Variants in ADGRA3 observed in about 807,000 individuals in gnomAD.
The protein encoded by ADGRA3 is G-protein coupled receptor 125.
A neutral mutation model predicts 119.8 loss-of-function variants in ADGRA3; 56 were observed. That is an observed-to-expected ratio of 0.47 (90% confidence interval 0.38 to 0.58). The LOEUF is 0.58. ADGRA3 is among the 20% of genes least tolerant of loss of function. ADGRA3 has a pLI of 0.00. For synonymous variants in ADGRA3, 607 were observed against 623.8 expected (o/e 0.97, Z 0.40); for missense variants, 1,516 against 1,649.0 (o/e 0.92, Z 1.40).
intron 12 of ADGRA3, among the ~76,000 whole-genome samples, chr4:22,415,071 A>T (rs1196584016): frequency 1.3e-5 from 2 of 151,924 alleles, no homozygotes; most frequent in Non-Finnish European, 2.9e-5. Context: ...GTCATAATAC[A>T]CACTTGCAGT....
intron 1 of ADGRA3, among the ~76,000 whole-genome samples, chr4:22,506,624 A>T (rs545691020): frequency 6.6e-6 from 1 of 152,166 alleles, no homozygotes; most frequent in Non-Finnish European, 1.5e-5. Flanking sequence ...TGTGGTACTA[A>T]AAGTGGCCAA....
chr4:22,392,736 A>G (rs769386111), intron 16 of ADGRA3, 46 bp from the exon 17 acceptor site: 1 of 1,552,836 alleles, frequency 6.4e-7, no homozygotes, highest in Non-Finnish European at 8.7e-7. Flanking sequence ...AAATGTTCCT[A>G]CTAAGGCTTA....
chr4:22,420,855 T>C (rs751165966), intron 12 of ADGRA3, 31 bp downstream of exon 12: 1 of 1,582,696 alleles, frequency 6.3e-7, no homozygotes, highest in Non-Finnish European at 8.7e-7. Context: ...TAACTGTAAA[T>C]AGTCTTAAAT....
chr4:22,483,394 C>T (rs1424047821), intron 1 of ADGRA3, among the ~76,000 whole-genome samples: 1 of 152,098 alleles, frequency 6.6e-6, no homozygotes, highest in African/African-American at 2.4e-5. Context: ...TGACATAGCA[C>T]CTATAATTAA....
At chr4:22,498,240 G>A (rs1718913637) in intron 1 of ADGRA3, among the ~76,000 whole-genome samples, 1 of 88,206 alleles carries the variant, frequency 1.1e-5, no homozygotes, top group Non-Finnish European at 2.2e-5. Flanking sequence ...AAAGCGAAAC[G>A]AGTTTCACAA....
intron 1 of ADGRA3, among the ~76,000 whole-genome samples, chr4:22,505,425 G>A (rs1205152892): frequency 6.6e-6 from 1 of 152,064 alleles, no homozygotes; most frequent in African/African-American, 2.4e-5. Context: ...GGGCAGCTGA[G>A]GTGGGCGGAT....
intron 2 of ADGRA3, among the ~76,000 whole-genome samples, chr4:22,462,341 T>C (rs552587927): frequency 9.2e-5 from 14 of 152,142 alleles, no homozygotes; most frequent in African/African-American, 3.4e-4. Context: ...TGAGACGGAG[T>C]CTTGCTCTGT....
intron 1 of ADGRA3, among the ~76,000 whole-genome samples, chr4:22,508,078 C>T (rs1210930842): frequency 6.6e-6 from 1 of 152,198 alleles, no homozygotes; most frequent in East Asian, 1.9e-4. Context: ...TACGTACCCA[C>T]CCATACTCGA....
At position 22,455,073 on chromosome 4, in the gene ADGRA3, G is replaced by C. The variant is rs529075816; in HGVS notation, c.402-136C>G. On this transcript the variant is annotated intron_variant, in intron 3 of 18. Coordinates refer to ENST00000334304, the MANE Select transcript of ADGRA3 (RefSeq NM_145290.4). Reference sequence around the variant, plus strand: ...AGCAACTTTGAGATATTTACTGTACGCAAATGAGATAAGGATAGCAGTGAG... The same window carrying C: ...AGCAACTTTGAGATATTTACTGTACCCAAATGAGATAAGGATAGCAGTGAG... The C allele has an allele frequency of 6.2e-6, 4 of 646,798 alleles. 1 individual carries two copies. In the Admixed American group the frequency reaches 9.9e-5, roughly 16 times the overall value. The allele number at this position is 646,798 out of a possible 1,614,324, so 40.1% of individuals were successfully genotyped here.
intron 1 of ADGRA3, among the ~76,000 whole-genome samples, chr4:22,503,588 C>T (rs1334258090): frequency 1.3e-5 from 2 of 152,106 alleles, no homozygotes; most frequent in Non-Finnish European, 2.9e-5. Flanking sequence ...CATGGCAGCA[C>T]TGGCTGTTAA....
intron 14 of ADGRA3, 90 bp downstream of exon 14, chr4:22,413,082 AAAAAAAAAAC>A: frequency 1.1e-6 from 1 of 884,210 alleles, no homozygotes; most frequent in Non-Finnish European, 1.8e-6. Flanking sequence ...AAGTAAAAAA[AAAAAAAAAAC>A]AAAAAACAAA....
intron 16 of ADGRA3, chr4:22,398,276 A>G (rs1714453724): frequency 3.4e-6 from 1 of 292,178 alleles, no homozygotes; most frequent in African/African-American, 2.3e-5. Context: ...TAATCCTCTC[A>G]ACAATTGTTA....
intron 4 of ADGRA3, among the ~76,000 whole-genome samples, chr4:22,447,808 C>G (rs941125765): frequency 6.6e-6 from 1 of 152,060 alleles, no homozygotes; most frequent in African/African-American, 2.4e-5. Context: ...TGAATTCCCA[C>G]TAGAATTACT....
chr4:22,420,094 C>A (rs1715589683), intron 12 of ADGRA3: 1 of 152,454 alleles, frequency 6.6e-6, no homozygotes, highest in African/African-American at 2.4e-5. Flanking sequence ...ACACCTAACA[C>A]CTGTTGGATC....
chr4:22,439,493 T>A (rs1716525836), intron 7 of ADGRA3, among the ~76,000 whole-genome samples: 1 of 152,316 alleles, frequency 6.6e-6, no homozygotes, highest in Admixed American at 6.5e-5. Context: ...AAAGTATGTA[T>A]CATTTTAATT....
intron 1 of ADGRA3, among the ~76,000 whole-genome samples, chr4:22,507,887 C>A (rs1304676729): frequency 6.6e-6 from 1 of 152,154 alleles, no homozygotes; most frequent in Non-Finnish European, 1.5e-5. Flanking sequence ...ATTGAATATA[C>A]CCATCCTTGA....
intron 1 of ADGRA3, among the ~76,000 whole-genome samples, chr4:22,497,546 C>G (rs928543272): frequency 6.6e-6 from 1 of 152,016 alleles, no homozygotes; most frequent in Non-Finnish European, 1.5e-5. Context: ...CCAGTGAGGC[C>G]GGGCACGGTG....
At chr4:22,460,514 C>A (rs1466564093) in intron 3 of ADGRA3, among the ~76,000 whole-genome samples, 1 of 152,214 alleles carries the variant, frequency 6.6e-6, no homozygotes, top group Non-Finnish European at 1.5e-5. Flanking sequence ...ACATTACTAA[C>A]TGGACTTTAT....
chr4:22,452,083 T>C (rs545104566), intron 4 of ADGRA3, among the ~76,000 whole-genome samples: 2 of 152,308 alleles, frequency 1.3e-5, no homozygotes, highest in South Asian at 4.1e-4. Context: ...CAAATTACGA[T>C]AAGCAATGTC....
Sources: allele counts gnomAD v4.1 joint callset (sites outside exome capture counted in the v4.1 genomes callset), GRCh38; gene constraint gnomAD v4.1.1; transcripts MANE v1.5; gene names NCBI Gene and HGNC (gene_info 2026-07-23, HGNC 2026-07-21).